Variants in PCDHGC5 observed in about 807,000 individuals in gnomAD.
The protein encoded by PCDHGC5 is protocadherin gamma subfamily C, 5.
Under a neutral mutation model 59.0 loss-of-function variants are expected in PCDHGC5, and 25 were observed. The ratio of observed to expected loss-of-function variants is 0.42; its 90% CI spans 0.31 to 0.59. The LOEUF is 0.59. Among genes scored for constraint, PCDHGC5 ranks in the 20% least tolerant of loss-of-function variants. PCDHGC5 has a pLI of 0.13. For synonymous variants in PCDHGC5, 434 were observed against 505.5 expected, an observed-to-expected ratio of 0.86 and a Z score of 1.90; for missense variants, 1,067 against 1,206.4, an observed-to-expected ratio of 0.88 and a Z score of 1.71.
chr5:141,491,110 C>T lies in PCDHGC5; in HGVS notation c.1870C>T (p.His624Tyr). The change falls in exon 1 of 4, where the codon CAC becomes TAC. Residue 624 changes from histidine to tyrosine, a missense_variant. Transcript: ENST00000252087. This position sits in a 1 kb window ranked among gnomAD's most constrained non-coding sequence, Gnocchi z 6.9. ...TAPGLFLVST[H>Y]TGEVRTARAL... ...CCCAGGACTGTTCCTCGTGTCTACA[C>T]ACACTGGTGAGGTGCGCACAGCCCG... 3.7e-6 allele frequency: 6 copies of T among 1,614,212 alleles called. No individual in the cohort carries two copies. Among genetic ancestry groups the T allele is most frequent in the Non-Finnish European group, 5.1e-6 (6 of 1,180,024 alleles).
chr5:141,496,081 C>A (rs976166091), intron 2 of PCDHGC5, among the ~76,000 whole-genome samples: 1 of 152,060 alleles, frequency 6.6e-6, no homozygotes, highest in Non-Finnish European at 1.5e-5. Flanking sequence ...CACAACCCCC[C>A]ACCCACCACC....
intron 1 of PCDHGC5, among the ~76,000 whole-genome samples, chr5:141,492,559 C>G (rs533830391): frequency 2.0e-5 from 3 of 152,174 alleles, no homozygotes; most frequent in Non-Finnish European, 4.4e-5. Context: ...GCCTGGGGGG[C>G]GGCCTGAGCG....
At position 141,491,518 on chromosome 5, in the gene PCDHGC5, A is replaced by G. The variant is rs756813813; in HGVS notation, c.2278A>G (p.Met760Val). 3 of 1,613,990 alleles carry G rather than the reference A, an allele frequency of 1.9e-6. No individual in the cohort carries two copies. The highest frequency in any genetic ancestry group is 3.3e-5 in the Admixed American group (2 of 60,028). Reference protein sequence around the residue: ...QVSSDGTLKYMEVTLRPTDSQ... With the variant: ...QVSSDGTLKYVEVTLRPTDSQ... ...GAGCTCGGACGGCACGCTCAAGTAC[A>G]TGGAGGTGACGCTGCGGCCCACAGA... The change falls in exon 1 of 4, where the codon ATG (methionine) becomes GTG (valine). Residue 760 changes from methionine to valine, a missense_variant. Transcript: ENST00000252087. This position sits in a 1 kb window ranked among gnomAD's most constrained non-coding sequence, Gnocchi z 6.9.
At position 141,491,660 on chromosome 5, in the gene PCDHGC5, C is replaced by G; in HGVS notation, c.2420C>G (p.Ala807Gly). 6.2e-7 allele frequency: 1 copy of G among 1,613,810 alleles called. No individual in the cohort carries two copies. ...ACAGCTCTGGCGCTGGAGCCTGACG[C>G]CATCCGGTCCCGCTCTAATACGCTG... is the stretch of plus-strand genomic sequence containing the variant. ...QPTALALEPD[A>G]IRSRSNTLRE... Residue 807 changes from alanine (A) to glycine (G), a missense_variant, in exon 1 of 4, where the codon GCC (alanine) becomes GGC (glycine). Transcript: ENST00000252087. The surrounding 1 kb of genome is among the most constrained non-coding windows in gnomAD (Gnocchi z 6.9).
Position 141,490,795 on chromosome 5 carries a change from C to G in PCDHGC5, c.1555C>G (p.Gln519Glu). The G allele has an allele frequency of 6.2e-7, 1 of 1,614,036 alleles. No homozygotes were observed. The highest frequency in any genetic ancestry group is 1.1e-5 in the South Asian group (1 of 91,084). Reference protein sequence around the residue: ...VNPEDGRIFAQRTFDYELLQM... With the variant: ...VNPEDGRIFAERTFDYELLQM... Reference sequence around the variant, plus strand: ...CCCAGAGGATGGACGGATCTTTGCCCAGCGTACCTTTGACTATGAATTGCT... The same window carrying G: ...CCCAGAGGATGGACGGATCTTTGCCGAGCGTACCTTTGACTATGAATTGCT... Residue 519 changes from glutamine to glutamate, a missense_variant, in exon 1 of 4, where the codon CAG (glutamine) becomes GAG (glutamate). Transcript: ENST00000252087. This position sits in a 1 kb window ranked among gnomAD's most constrained non-coding sequence, Gnocchi z 5.4.
At chr5:141,502,203 C>G (rs1562205141) in intron 2 of PCDHGC5, among the ~76,000 whole-genome samples, 1 of 152,122 alleles carries the variant, frequency 6.6e-6, no homozygotes. Context: ...ATAGAATCCA[C>G]CAGCAGATTT....
At chr5:141,505,241 T>C in intron 2 of PCDHGC5, 152 bp from the exon 3 acceptor site, 3 of 1,396,292 alleles carry the variant, frequency 2.1e-6, no homozygotes, top group South Asian at 1.4e-5. Flanking sequence ...TTCTGAAGGA[T>C]TGTAGAAGTG....
chr5:141,507,368 T>C (rs1446319165), intron 3 of PCDHGC5: 2 of 152,094 alleles, frequency 1.3e-5, no homozygotes, highest in Non-Finnish European at 2.9e-5. Context: ...GGGAGCCCTG[T>C]ACTTTTATTT....
At chr5:141,508,499 C>T (rs1425054102) in intron 3 of PCDHGC5, among the ~76,000 whole-genome samples, 7 of 152,212 alleles carry the variant, frequency 4.6e-5, no homozygotes, top group Non-Finnish European at 1.0e-4. Flanking sequence ...CATATCTTCT[C>T]TCCCTCCTGG....
chr5:141,491,293 C>T lies in PCDHGC5; in HGVS notation c.2053C>T (p.Pro685Ser). The change falls in exon 1 of 4, where the codon CCT (proline) becomes TCT (serine). Residue 685 changes from proline to serine, a missense_variant. Physicochemically the swap from Pro to Ser is moderately conservative, Grantham distance 74. Transcript: ENST00000252087. This position sits in a 1 kb window ranked among gnomAD's most constrained non-coding sequence, Gnocchi z 6.9. ...PKSSDFLIHP[P>S]ERSDLTLYLI... Reference sequence around the variant, plus strand: ...ATCCAGTGACTTCCTCATACACCCTCCTGAGCGTTCAGACCTTACCCTTTA... The same window carrying T: ...ATCCAGTGACTTCCTCATACACCCTTCTGAGCGTTCAGACCTTACCCTTTA... 6.2e-7 allele frequency: 1 copy of T among 1,614,166 alleles called. No homozygotes were observed. The highest frequency in any genetic ancestry group is 1.3e-5 in the African/African-American group (1 of 75,058).
At chr5:141,503,387 G>A (rs975079596) in intron 2 of PCDHGC5, among the ~76,000 whole-genome samples, 24 of 152,068 alleles carry the variant, frequency 1.6e-4, no homozygotes, top group Middle Eastern at 3.4e-3. Flanking sequence ...ATGAGGTCAG[G>A]AGTTCGAAAC....
chr5:141,490,597 C>T lies in PCDHGC5; in HGVS notation c.1357C>T (p.Arg453Cys), dbSNP rs781077720. ...NISDVNDNAPRFNQQLYTAYI... is the reference protein window; with the variant it reads ...NISDVNDNAPCFNQQLYTAYI... Reference sequence around the variant, plus strand: ...TTCAGATGTCAATGACAATGCACCCCGCTTCAACCAGCAGCTTTACACTGC... The same window carrying T: ...TTCAGATGTCAATGACAATGCACCCTGCTTCAACCAGCAGCTTTACACTGC... Residue 453 changes from arginine to cysteine, a missense_variant, in exon 1 of 4, where the codon CGC (arginine) becomes TGC (cysteine). By Grantham distance (180) the Arg-to-Cys change is radical. Coordinates refer to ENST00000252087, the MANE Select transcript of PCDHGC5 (RefSeq NM_018929.3). The surrounding 1 kb of genome is among the most constrained non-coding windows in gnomAD (Gnocchi z 5.4). The T allele has an allele frequency of 1.2e-5, 20 of 1,614,182 alleles. No homozygotes were observed. The highest frequency in any genetic ancestry group is 3.3e-5 in the Admixed American group (2 of 60,026).
At chr5:141,500,167 A>C (rs976308963) in intron 2 of PCDHGC5, among the ~76,000 whole-genome samples, 1 of 150,656 alleles carries the variant, frequency 6.6e-6, no homozygotes, top group African/African-American at 2.4e-5. Context: ...AAGAACATGC[A>C]TGAGCTTCAT....
chr5:141,491,795 C>G lies in PCDHGC5; in HGVS notation c.2460+95C>G. The G allele has an allele frequency of 6.6e-7, 1 of 1,511,694 alleles. No individual in the cohort carries two copies. The highest frequency in any genetic ancestry group is 8.8e-7 in the Non-Finnish European group (1 of 1,130,430). The allele number at this position is 1,511,694 out of a possible 1,614,324, so 93.6% of individuals were successfully genotyped here. On this transcript the variant is annotated intron_variant, in intron 1 of 3. Transcript: ENST00000252087. The surrounding 1 kb of genome is among the most constrained non-coding windows in gnomAD (Gnocchi z 6.9). ...GGATTGAACTTGCATCCACTCCTCT[C>G]CGGCCGGCTTGGTCGCTGGCTGCGC...
chr5:141,491,529 G>C lies in PCDHGC5; in HGVS notation c.2289G>C (p.Thr763=). 1 of 1,614,040 alleles carries C rather than the reference G, an allele frequency of 6.2e-7. No individual in the cohort carries two copies. The highest frequency in any genetic ancestry group is 1.1e-5 in the South Asian group (1 of 91,080). Residue 763 remains threonine (T), a synonymous_variant, in exon 1 of 4, where the codon ACG becomes ACC. Coordinates refer to ENST00000252087, the MANE Select transcript of PCDHGC5 (RefSeq NM_018929.3). The surrounding 1 kb of genome is among the most constrained non-coding windows in gnomAD (Gnocchi z 6.9). ...SDGTLKYMEV[T]LRPTDSQSHC... is the part of the protein sequence containing the mutation. ...GCACGCTCAAGTACATGGAGGTGACGCTGCGGCCCACAGACTCGCAGAGCC... is the reference window on the plus strand; with the variant it reads ...GCACGCTCAAGTACATGGAGGTGACCCTGCGGCCCACAGACTCGCAGAGCC...
At chr5:141,494,733 C>G in intron 1 of PCDHGC5, 74 bp from the exon 2 acceptor site, 1 of 1,610,826 alleles carries the variant, frequency 6.2e-7, no homozygotes, top group South Asian at 1.1e-5. Flanking sequence ...CTCTCCCGGC[C>G]CATCCCTAGG....
chr5:141,496,306 C>T (rs1380057886), intron 2 of PCDHGC5, among the ~76,000 whole-genome samples: 1 of 152,202 alleles, frequency 6.6e-6, no homozygotes, highest in South Asian at 2.1e-4. Flanking sequence ...ATAGGCTCTG[C>T]GCCAGGCCTC....
chr5:141,492,257 A>G (rs955890030), intron 1 of PCDHGC5, among the ~76,000 whole-genome samples: 1 of 152,126 alleles, frequency 6.6e-6, no homozygotes, highest in Non-Finnish European at 1.5e-5. Flanking sequence ...GGCCCACACA[A>G]GTTGCACGGG....
intron 2 of PCDHGC5, among the ~76,000 whole-genome samples, chr5:141,496,474 T>A (rs2099769027): frequency 6.6e-6 from 1 of 152,140 alleles, no homozygotes; most frequent in African/African-American, 2.4e-5. Context: ...CTTTCCCCCA[T>A]CCTGCAACCA....
Sources: allele counts gnomAD v4.1 joint callset (sites outside exome capture counted in the v4.1 genomes callset), GRCh38; gene constraint gnomAD v4.1.1; non-coding constraint Gnocchi (gnomAD v3.1); transcripts MANE v1.5; gene names NCBI Gene and HGNC (gene_info 2026-07-23, HGNC 2026-07-21).